Variants in MEMO1 observed in about 807,000 individuals in gnomAD.
The protein encoded by MEMO1 is mediator of cell motility 1.
A neutral mutation model predicts 45.2 loss-of-function variants in MEMO1; 6 were observed. The observed-to-expected ratio is 0.13, with a 90% CI of 0.07 to 0.26. MEMO1 has a LOEUF of 0.26. MEMO1 is among the 10% of genes least tolerant of loss of function. The pLI is 1.00. For synonymous variants in MEMO1, 78 were observed against 124.3 expected, an observed-to-expected ratio of 0.63 and a Z score of 2.48; for missense variants, 184 against 370.5, an observed-to-expected ratio of 0.50 and a Z score of 4.13.
chr2:31,973,932 T>C (rs1473400149), intron 2 of MEMO1, among the ~76,000 whole-genome samples: 2 of 152,174 alleles, frequency 1.3e-5, no homozygotes, highest in Non-Finnish European at 2.9e-5. Context: ...GTCAATGAAA[T>C]ACACACATTA....
chr2:31,920,199 A>G (rs1682095570), intron 5 of MEMO1, among the ~76,000 whole-genome samples: 1 of 152,094 alleles, frequency 6.6e-6, no homozygotes, highest in Admixed American at 6.5e-5. Context: ...TTATAAAATC[A>G]AAAGATTTTT....
chr2:31,873,005 C>T (rs1472559579), intron 8 of MEMO1, among the ~76,000 whole-genome samples: 1 of 152,078 alleles, frequency 6.6e-6, no homozygotes, highest in Non-Finnish European at 1.5e-5. Flanking sequence ...TATGAGATTA[C>T]TATTAGGAAA....
At chr2:32,002,202 C>CACGTATATACGTATATACGTAT (rs1558570166) in intron 2 of MEMO1, among the ~76,000 whole-genome samples, 2 of 128,182 alleles carry the variant, frequency 1.6e-5, no homozygotes, top group African/African-American at 6.1e-5. Flanking sequence ...CACACACACA[C>CACGTATATACGTATATACGTAT]ATGTATATAC....
At chr2:31,991,658 C>G (rs577203955) in intron 2 of MEMO1, among the ~76,000 whole-genome samples, 1 of 140,062 alleles carries the variant, frequency 7.1e-6, no homozygotes, top group Non-Finnish European at 1.5e-5. Context: ...TAAAATAATT[C>G]TAAGCCAATA....
intron 8 of MEMO1, among the ~76,000 whole-genome samples, chr2:31,882,997 C>CA (rs1232652949): frequency 1.3e-5 from 2 of 149,950 alleles, no homozygotes; most frequent in East Asian, 3.9e-4. Context: ...AAGAAGGACT[C>CA]AAAAAAAAAT....
chr2:32,003,411 A>T (rs952719404), intron 2 of MEMO1, among the ~76,000 whole-genome samples: 9 of 152,210 alleles, frequency 5.9e-5, no homozygotes, highest in Admixed American at 6.5e-5. Context: ...CTATTTGCCA[A>T]GGGAAAAAAA....
chr2:31,931,632 T>A (rs1664187401), intron 4 of MEMO1, among the ~76,000 whole-genome samples: 1 of 151,904 alleles, frequency 6.6e-6, no homozygotes, highest in African/African-American at 2.4e-5. Context: ...TTAAATTCAC[T>A]GTCAGATTCT....
At chr2:31,930,863 T>C (rs1185469843) in intron 4 of MEMO1, among the ~76,000 whole-genome samples, 1 of 150,000 alleles carries the variant, frequency 6.7e-6, no homozygotes, top group Non-Finnish European at 1.5e-5. Flanking sequence ...TTCACCATAT[T>C]GGCCAGGCTG....
intron 2 of MEMO1, among the ~76,000 whole-genome samples, chr2:31,992,762 T>C (rs1672104180): frequency 6.6e-6 from 1 of 151,754 alleles, no homozygotes; most frequent in Non-Finnish European, 1.5e-5. Context: ...CCAGCCTGGG[T>C]GACAGAGTGA....
At chr2:32,005,620 CATCTATACCATG>C (rs1673969172) in intron 2 of MEMO1, among the ~76,000 whole-genome samples, 1 of 152,102 alleles carries the variant, frequency 6.6e-6, no homozygotes, top group Admixed American at 6.5e-5. Context: ...CAAGATGCTT[CATCTATACCATG>C]ATCAGAGACT....
At chr2:32,002,288 T>C (rs1352868241) in intron 2 of MEMO1, among the ~76,000 whole-genome samples, 2 of 146,140 alleles carry the variant, frequency 1.4e-5, no homozygotes, top group African/African-American at 2.5e-5. Context: ...CATGTACATA[T>C]ATACATATAC....
intron 5 of MEMO1, among the ~76,000 whole-genome samples, chr2:31,919,958 GT>G (rs1558503374): frequency 9.2e-5 from 14 of 151,380 alleles, no homozygotes; most frequent in African/African-American, 3.4e-4. Context: ...ACGTGTGTGT[GT>G]GTGTGTGTGT....
At chr2:31,949,116 G>A (rs1666517269) in intron 2 of MEMO1, among the ~76,000 whole-genome samples, 1 of 152,140 alleles carries the variant, frequency 6.6e-6, no homozygotes, top group Non-Finnish European at 1.5e-5. Context: ...GTTAACAAAT[G>A]CTGGCAAAGA....
intron 2 of MEMO1, among the ~76,000 whole-genome samples, chr2:31,953,964 T>C (rs915843565): frequency 5.9e-5 from 9 of 152,220 alleles, no homozygotes; most frequent in Non-Finnish European, 1.2e-4. Flanking sequence ...TCAAAATAAA[T>C]TAAATATTCT....
At chr2:31,875,763 T>C (rs1439382229) in intron 8 of MEMO1, among the ~76,000 whole-genome samples, 1 of 152,150 alleles carries the variant, frequency 6.6e-6, no homozygotes, top group African/African-American at 2.4e-5. Flanking sequence ...CTCGGCTCAC[T>C]GTAACCTCCA....
intron 2 of MEMO1, among the ~76,000 whole-genome samples, chr2:32,004,755 C>T: frequency 6.6e-6 from 1 of 152,048 alleles, no homozygotes; most frequent in African/African-American, 2.4e-5. Flanking sequence ...GGTGAAACCC[C>T]ATCTCTACTA....
chr2:31,932,898 A>G (rs1017368197), intron 3 of MEMO1, among the ~76,000 whole-genome samples: 1 of 152,124 alleles, frequency 6.6e-6, no homozygotes, highest in Admixed American at 6.6e-5. Context: ...TTTTCTCTCC[A>G]TACTATTTTT....
At chr2:31,992,738 C>T (rs370112952) in intron 2 of MEMO1, among the ~76,000 whole-genome samples, 6 of 151,984 alleles carry the variant, frequency 3.9e-5, no homozygotes, top group African/African-American at 9.7e-5. Flanking sequence ...GAGCCGAGAT[C>T]GTGCCACTGC....
intron 2 of MEMO1, among the ~76,000 whole-genome samples, chr2:31,988,071 A>G (rs1671485908): frequency 6.6e-6 from 1 of 152,172 alleles, no homozygotes; most frequent in African/African-American, 2.4e-5. Flanking sequence ...ACCAAGATTA[A>G]GTTGGTAAGA....
Sources: allele counts gnomAD v4.1 joint callset (sites outside exome capture counted in the v4.1 genomes callset), GRCh38; gene constraint gnomAD v4.1.1; transcripts MANE v1.5; gene names NCBI Gene and HGNC (gene_info 2026-07-23, HGNC 2026-07-21).